ZMAT4: variants seen among roughly 807,000 people sequenced by gnomAD.
ZMAT4 encodes the protein zinc finger matrin-type protein 4.
In ZMAT4, 17 loss-of-function variants were observed where a neutral mutation model predicts 28.7. The ratio of observed to expected loss-of-function variants is 0.59; its 90% confidence interval spans 0.41 to 0.89. The LOEUF is 0.89. ZMAT4 is among the 40% of genes least tolerant of loss of function. The probability of loss-of-function intolerance (pLI) is 0.00; values close to 1 mark genes in which losing one functional copy is unlikely to be tolerated. For synonymous variants in ZMAT4, 117 were observed against 109.2 expected (o/e 1.07, Z -0.44); for missense variants, 240 against 283.8 (o/e 0.85, Z 1.11).
chr8:40,883,563 C>T (rs73678043), intron 1 of ZMAT4, among the ~76,000 whole-genome samples: 1,709 of 152,312 alleles, frequency 0.011, 36 homozygotes, highest in African/African-American at 0.039. Flanking sequence ...AGTCCCTTCT[C>T]TCTCCAAGAC....
chr8:40,844,864 G>T (rs1197851099), intron 1 of ZMAT4, among the ~76,000 whole-genome samples: 1 of 152,116 alleles, frequency 6.6e-6, no homozygotes, highest in Non-Finnish European at 1.5e-5. Context: ...GAAATTAAGT[G>T]ACTTGCATAA....
chr8:40,812,282 A>G (rs1361410602), intron 2 of ZMAT4, among the ~76,000 whole-genome samples: 1 of 152,238 alleles, frequency 6.6e-6, no homozygotes, highest in Non-Finnish European at 1.5e-5. Flanking sequence ...CAAGGTCAAC[A>G]CCAACATTGA....
chr8:40,687,702 C>T (rs1327759772), intron 4 of ZMAT4, among the ~76,000 whole-genome samples: 3 of 152,136 alleles, frequency 2.0e-5, no homozygotes, highest in Non-Finnish European at 4.4e-5. Context: ...TGTTCATTTA[C>T]CACATATACT....
chr8:40,687,373 G>T (rs949453317), intron 4 of ZMAT4, among the ~76,000 whole-genome samples: 1 of 152,172 alleles, frequency 6.6e-6, no homozygotes, highest in Non-Finnish European at 1.5e-5. Context: ...CCCGGGGAGG[G>T]CGGTTCTGGG....
intron 1 of ZMAT4, among the ~76,000 whole-genome samples, chr8:40,878,658 G>A (rs931982060): frequency 3.3e-5 from 5 of 152,302 alleles, no homozygotes; most frequent in Admixed American, 6.5e-5. Context: ...TAAGTAGCCC[G>A]TTCCCCTGGT....
chr8:40,629,474 T>C (rs1806493445), intron 5 of ZMAT4, among the ~76,000 whole-genome samples: 1 of 152,034 alleles, frequency 6.6e-6, no homozygotes, highest in South Asian at 2.1e-4. Flanking sequence ...GTTACATATG[T>C]ATACATGTGC....
chr8:40,850,869 A>C (rs1450372144), intron 1 of ZMAT4, among the ~76,000 whole-genome samples: 2 of 152,210 alleles, frequency 1.3e-5, no homozygotes, highest in Non-Finnish European at 2.9e-5. Context: ...TATGCACTTA[A>C]AAATCATTGA....
chr8:40,844,363 C>T (rs72641580), intron 1 of ZMAT4, among the ~76,000 whole-genome samples: 21,121 of 152,072 alleles, frequency 0.14, 1,922 homozygotes, highest in Non-Finnish European at 0.2. Flanking sequence ...TTGTTGAGGG[C>T]TAGAATGGGA....
At chr8:40,610,223 A>G (rs1805745764) in intron 5 of ZMAT4, among the ~76,000 whole-genome samples, 2 of 152,256 alleles carry the variant, frequency 1.3e-5, no homozygotes, top group Non-Finnish European at 2.9e-5. Flanking sequence ...TCCAGGAAAT[A>G]GATAAATCAT....
chr8:40,611,712 A>T (rs1217461135), intron 5 of ZMAT4, among the ~76,000 whole-genome samples: 1 of 152,198 alleles, frequency 6.6e-6, no homozygotes, highest in Non-Finnish European at 1.5e-5. Context: ...GTCCTACATC[A>T]TATCAATGTA....
At chr8:40,841,204 G>A (rs970144515) in intron 1 of ZMAT4, among the ~76,000 whole-genome samples, 9 of 152,172 alleles carry the variant, frequency 5.9e-5, no homozygotes, top group South Asian at 2.1e-4. Flanking sequence ...TCCAAATGAG[G>A]AGCTGGCCCC....
chr8:40,613,180 C>CTTTCTTTTTTTTTTTTTTT (rs71224837), intron 5 of ZMAT4, among the ~76,000 whole-genome samples: 6 of 79,968 alleles, frequency 7.5e-5, no homozygotes, highest in East Asian at 5.1e-4. Context: ...TACTTTCTTT[C>CTTTCTTTTTTTTTTTTTTT]TTTTTTTTTT....
intron 2 of ZMAT4, among the ~76,000 whole-genome samples, chr8:40,824,238 A>T (rs1204635182): frequency 6.6e-6 from 1 of 152,230 alleles, no homozygotes; most frequent in Non-Finnish European, 1.5e-5. Context: ...AAGTTCTTAC[A>T]CTTGGAAACT....
intron 5 of ZMAT4, among the ~76,000 whole-genome samples, chr8:40,618,348 A>G (rs1263255517): frequency 6.6e-6 from 1 of 152,166 alleles, no homozygotes; most frequent in African/African-American, 2.4e-5. Context: ...TCCCTGCTCT[A>G]CAGAACTAAA....
chr8:40,653,364 CAA>C (rs1160587838), intron 5 of ZMAT4, among the ~76,000 whole-genome samples: 1 of 151,040 alleles, frequency 6.6e-6, no homozygotes, highest in Non-Finnish European at 1.5e-5. Context: ...GCAAAATACT[CAA>C]TGAAAAAACT....
chr8:40,768,217 G>A (rs1392340133), intron 2 of ZMAT4, among the ~76,000 whole-genome samples: 1 of 152,072 alleles, frequency 6.6e-6, no homozygotes, highest in Non-Finnish European at 1.5e-5. Context: ...GCTATCAAAA[G>A]GGATGGGATT....
At chr8:40,552,671 T>C (rs866520198) in intron 6 of ZMAT4, among the ~76,000 whole-genome samples, 3 of 152,114 alleles carry the variant, frequency 2.0e-5, no homozygotes, top group Non-Finnish European at 4.4e-5. Context: ...GGGAGATGAG[T>C]GGAGAAGGAT....
intron 4 of ZMAT4, among the ~76,000 whole-genome samples, chr8:40,692,544 T>C (rs1230709708): frequency 6.6e-6 from 1 of 152,182 alleles, no homozygotes; most frequent in Non-Finnish European, 1.5e-5. Flanking sequence ...GTTGAATGGC[T>C]CTCTTCCATC....
At chr8:40,802,862 G>A (rs1219713573) in intron 2 of ZMAT4, among the ~76,000 whole-genome samples, 1 of 152,172 alleles carries the variant, frequency 6.6e-6, no homozygotes, top group South Asian at 2.1e-4. Flanking sequence ...TGGTATTGGT[G>A]AAAGAATAGA....
Sources: allele counts gnomAD v4.1 joint callset (sites outside exome capture counted in the v4.1 genomes callset), GRCh38; gene constraint gnomAD v4.1.1; transcripts MANE v1.5; gene names NCBI Gene and HGNC (gene_info 2026-07-23, HGNC 2026-07-21).